MAP2K5: variants seen among roughly 807,000 people sequenced by gnomAD.
MAP2K5 encodes dual specificity mitogen-activated protein kinase kinase 5.
MAP2K5 carries 49 observed loss-of-function variants against 83.1 expected under a neutral mutation model. The ratio of observed to expected loss-of-function variants is 0.59; its 90% confidence interval spans 0.47 to 0.75. The LOEUF (loss-of-function observed/expected upper bound fraction) is 0.75, where lower values mean the gene tolerates loss of function less well. Ranked by LOEUF, MAP2K5 falls within the 30% of genes least tolerant of loss-of-function variation. The probability of loss-of-function intolerance (pLI) is 0.00; values close to 1 mark genes in which losing one functional copy is unlikely to be tolerated. For synonymous variants in MAP2K5, 202 were observed against 191.8 expected, an observed-to-expected ratio of 1.05 and a Z score of -0.44; for missense variants, 457 against 557.5, an observed-to-expected ratio of 0.82 and a Z score of 1.82.
intron 15 of MAP2K5, among the ~76,000 whole-genome samples, chr15:67,699,970 T>TAA (rs5813453): frequency 0.24 from 33,598 of 140,866 alleles, 4,968 homozygotes; most frequent in East Asian, 0.59. Context: ...CTTGCCAATG[T>TAA]AAAAAAAAAA....
At position 67,652,954 on chromosome 15, in the gene MAP2K5, GT is replaced by G. The variant is rs2086987179; in HGVS notation, c.737-5598del. 2.0e-5 allele frequency among the ~76,000 whole-genome samples: 3 copies of G among 152,282 alleles called. No homozygotes were observed. Among genetic ancestry groups the G allele is most frequent in the Admixed American group, 1.3e-4 (2 of 15,294 alleles). On this transcript the variant is annotated intron_variant, in intron 11 of 21. Transcript: ENST00000178640. The surrounding 1 kb of genome is among the most constrained non-coding windows in gnomAD (Gnocchi z 4.2). ...TTAAGAGTCATCCATGTTGTAGCAT[GT>G]GTCAGAATTTTCTTCCTTTTAAAAG...
chr15:67,543,541 C>T lies in MAP2K5; in HGVS notation c.135+71C>T, dbSNP rs2084337632. 6.4e-7 allele frequency: 1 copy of T among 1,566,218 alleles called. No individual in the cohort carries two copies. Among genetic ancestry groups the T allele is most frequent in the Non-Finnish European group, 8.8e-7 (1 of 1,141,038 alleles). ...GGACTTGAGTAGTCAGCACCTTGAC[C>T]ACTGGTGACCTGAGCCAGTGGCAAT... On this transcript the variant is annotated intron_variant, in intron 1 of 21. Transcript: ENST00000178640. This position sits in a 1 kb window ranked among gnomAD's most constrained non-coding sequence, Gnocchi z 4.3.
rs768981972 is a variant in MAP2K5, at chr15:67,758,906, A to G, written c.1134+10305A>G. 6.6e-6 allele frequency among the ~76,000 whole-genome samples: 1 copy of G among 152,218 alleles called. No homozygotes were observed. Among genetic ancestry groups the G allele is most frequent in the Non-Finnish European group, 1.5e-5 (1 of 68,036 alleles). ...CATCAAAGGAAGAGGTTTTTTATAC[A>G]GCTGTGAAAGAAGACAACTTAGCAT... is the stretch of plus-strand genomic sequence containing the variant. On this transcript the variant is annotated intron_variant, in intron 19 of 21. Transcript: ENST00000178640. This position sits in a 1 kb window ranked among gnomAD's most constrained non-coding sequence, Gnocchi z 4.7.
intron 1 of MAP2K5, chr15:67,549,059 ATACTGC>A: frequency 6.6e-7 from 1 of 1,519,228 alleles, no homozygotes; most frequent in Non-Finnish European, 8.8e-7. Flanking sequence ...CTGCTGAGAA[ATACTGC>A]GAGCGGCTTT....
intron 17 of MAP2K5, among the ~76,000 whole-genome samples, chr15:67,740,557 C>T (rs1174668935): frequency 6.6e-6 from 1 of 152,004 alleles, no homozygotes; most frequent in Non-Finnish European, 1.5e-5. Flanking sequence ...TGCACCACTG[C>T]ACCCCATCTT....
intron 7 of MAP2K5, among the ~76,000 whole-genome samples, chr15:67,595,936 A>T (rs140911653): frequency 4.6e-5 from 7 of 151,560 alleles, no homozygotes; most frequent in Non-Finnish European, 7.4e-5. Context: ...TACTCCAAAG[A>T]TATGTGAGTT....
intron 13 of MAP2K5, among the ~76,000 whole-genome samples, chr15:67,685,502 A>AATAGTTTC (rs1207030751): frequency 1.3e-5 from 2 of 152,230 alleles, no homozygotes; most frequent in Non-Finnish European, 2.9e-5. Flanking sequence ...CAAAGGAATA[A>AATAGTTTC]ATAGTTTCAC....
intron 8 of MAP2K5, among the ~76,000 whole-genome samples, chr15:67,622,837 G>T (rs191880715): frequency 6.6e-6 from 1 of 152,150 alleles, no homozygotes; most frequent in Non-Finnish European, 1.5e-5. Flanking sequence ...GGTGGCTTAC[G>T]CCTGTAATCC....
rs1596945779 is a variant in MAP2K5, at chr15:67,770,945, T to G, written c.1196+1282T>G. Among the ~76,000 whole-genome samples, 3 of 152,290 alleles carry G rather than the reference T, an allele frequency of 2.0e-5. No homozygotes were observed. The highest frequency in any genetic ancestry group is 2.0e-4 in the Admixed American group (3 of 15,294). On this transcript the variant is annotated intron_variant, in intron 20 of 21. Coordinates refer to ENST00000178640, the MANE Select transcript of MAP2K5 (RefSeq NM_145160.3). This position sits in a 1 kb window ranked among gnomAD's most constrained non-coding sequence, Gnocchi z 5.0. Reference sequence around the variant, plus strand: ...TACTTATATAATATTGTGTAGCTTTTAAAAACTATTTTTACTCTGAAAACA... The same window carrying G: ...TACTTATATAATATTGTGTAGCTTTGAAAAACTATTTTTACTCTGAAAACA...
At chr15:67,627,291 G>T (rs1427618980) in intron 8 of MAP2K5, among the ~76,000 whole-genome samples, 1 of 152,038 alleles carries the variant, frequency 6.6e-6, no homozygotes, top group Non-Finnish European at 1.5e-5. Context: ...AACCAATGAG[G>T]TTGTTATTTG....
At chr15:67,612,788 C>T (rs1410047033) in intron 8 of MAP2K5, among the ~76,000 whole-genome samples, 1 of 152,122 alleles carries the variant, frequency 6.6e-6, no homozygotes, top group Non-Finnish European at 1.5e-5. Context: ...GCAATCACAG[C>T]CTAGTTGATG....
intron 4 of MAP2K5, among the ~76,000 whole-genome samples, chr15:67,582,848 A>ACACACG (rs1555528733): frequency 0.011 from 1,608 of 151,524 alleles, 115 homozygotes; most frequent in African/African-American, 0.035. Flanking sequence ...ACACACACAC[A>ACACACG]CACACACTTC....
rs955019053 is a variant in MAP2K5, at chr15:67,777,364, G to C, written c.1242+4612G>C. Among the ~76,000 whole-genome samples the C allele has an allele frequency of 7.2e-5, 11 of 152,144 alleles. No homozygotes were observed. In the South Asian group the frequency reaches 8.3e-4, roughly 11 times the overall value. Reference sequence around the variant, plus strand: ...TAGAGTGTTTCCAGAAGCTTTCAGTGTCTAAGCTCTATTTAATGGAATCTA... The same window carrying C: ...TAGAGTGTTTCCAGAAGCTTTCAGTCTCTAAGCTCTATTTAATGGAATCTA... On this transcript the variant is annotated intron_variant, in intron 21 of 21. Coordinates refer to ENST00000178640, the MANE Select transcript of MAP2K5 (RefSeq NM_145160.3). This position sits in a 1 kb window ranked among gnomAD's most constrained non-coding sequence, Gnocchi z 6.0.
Position 67,760,832 on chromosome 15 carries a change from T to G in MAP2K5, c.1135-8770T>G, listed in dbSNP as rs1398251731. On this transcript the variant is annotated intron_variant, in intron 19 of 21. Coordinates refer to ENST00000178640, the MANE Select transcript of MAP2K5 (RefSeq NM_145160.3). This position sits in a 1 kb window ranked among gnomAD's most constrained non-coding sequence, Gnocchi z 4.1. ...ACCCAGCCATAGGACAATGCTCATT[T>G]AATCCACCATGATGGGACCTACACA... Among the ~76,000 whole-genome samples the G allele has an allele frequency of 6.6e-6, 1 of 152,120 alleles. No homozygotes were observed. Among genetic ancestry groups the G allele is most frequent in the African/African-American group, 2.4e-5 (1 of 41,406 alleles).
chr15:67,761,022 C>A (rs540344737), intron 19 of MAP2K5, among the ~76,000 whole-genome samples: 47 of 152,084 alleles, frequency 3.1e-4, no homozygotes, highest in African/African-American at 9.9e-4. Context: ...AAAAGAGATT[C>A]CAAACTGGTC....
At position 67,586,888 on chromosome 15, in the gene MAP2K5, G is replaced by A. The variant is rs142567160; in HGVS notation, c.406G>A (p.Val136Ile). ...ACCCTCTCAACACAGCAGCCCAGCA[G>A]TCTCAGATTCACTTCCAAGCAATAG... is the stretch of plus-strand genomic sequence containing the variant. ...AGPSQHSSPA[V>I]SDSLPSNSLK... The change falls in exon 6 of 22, where the codon GTC becomes ATC. Residue 136 changes from valine to isoleucine, a missense_variant. Physicochemically the swap from Val to Ile is conservative, Grantham distance 29 (BLOSUM62 3). Around this residue, in one of 3 missense-constraint regions of MAP2K5, gnomAD observed 234 missense variants for 243.6 expected, o/e 0.96. Transcript: ENST00000178640. 2 of 1,614,088 alleles carry A rather than the reference G, an allele frequency of 1.2e-6. No homozygotes were observed. Among genetic ancestry groups the A allele is most frequent in the African/African-American group, 2.7e-5 (2 of 74,920 alleles).
chr15:67,621,914 T>C (rs1441279702), intron 8 of MAP2K5, among the ~76,000 whole-genome samples: 6 of 152,176 alleles, frequency 3.9e-5, no homozygotes, highest in Admixed American at 3.9e-4. Context: ...CCGGGTGCGG[T>C]GGCTTACGCC....
intron 11 of MAP2K5, 87 bp downstream of exon 11, chr15:67,646,556 G>A (rs2086836076): frequency 3.1e-6 from 2 of 637,508 alleles, no homozygotes; most frequent in Admixed American, 3.1e-5. Flanking sequence ...ATATCAAATA[G>A]AATTAAAGAT....
At position 67,782,739 on chromosome 15, in the gene MAP2K5, G is replaced by A. The variant is rs537416215; in HGVS notation, c.1242+9987G>A. On this transcript the variant is annotated intron_variant, in intron 21 of 21. Transcript: ENST00000178640. This position sits in a 1 kb window ranked among gnomAD's most constrained non-coding sequence, Gnocchi z 4.9. ...ACAGCTTTGCCTCTGGAATACTCTC[G>A]CTCTAACTCTGGGGAAGGCAGATCG... 1.3e-5 allele frequency among the ~76,000 whole-genome samples: 2 copies of A among 152,122 alleles called. No homozygotes were observed. Among genetic ancestry groups the A allele is most frequent in the Non-Finnish European group, 2.9e-5 (2 of 67,990 alleles).
Sources: allele counts gnomAD v4.1 joint callset (sites outside exome capture counted in the v4.1 genomes callset), GRCh38; gene constraint gnomAD v4.1.1; regional missense constraint gnomAD v4.1.1; non-coding constraint Gnocchi (gnomAD v3.1); transcripts MANE v1.5; gene names NCBI Gene and HGNC (gene_info 2026-07-23, HGNC 2026-07-21).